SLC18B1: variants seen among roughly 807,000 people sequenced by gnomAD.
SLC18B1 encodes the protein MFS-type transporter SLC18B1.
Under a neutral mutation model 53.9 loss-of-function variants are expected in SLC18B1, and 62 were observed. The observed-to-expected ratio is 1.15, with a 90% confidence interval of 0.94 to 1.42. SLC18B1 has a LOEUF of 1.42. Among genes scored for constraint, SLC18B1 ranks in the 40% most tolerant of loss-of-function variants. The pLI, the probability that SLC18B1 is intolerant of heterozygous loss-of-function variation, is 0.00. For synonymous variants in SLC18B1, 217 were observed against 200.9 expected (o/e 1.08, Z -0.68); for missense variants, 598 against 547.3 (o/e 1.09, Z -0.93).
intron 4 of SLC18B1, among the ~76,000 whole-genome samples, chr6:132,788,500 T>C (rs1014733863): frequency 6.6e-6 from 1 of 152,090 alleles, no homozygotes; most frequent in Non-Finnish European, 1.5e-5. Flanking sequence ...GTCCCCCAGA[T>C]GATAGTACTA....
chr6:132,786,364 C>T (rs7744961), intron 5 of SLC18B1, among the ~76,000 whole-genome samples: 25,802 of 151,608 alleles, frequency 0.17, 4,801 homozygotes, highest in African/African-American at 0.47. Flanking sequence ...GCTAACATGG[C>T]GAAACCCCGT....
Position 132,776,324 on chromosome 6 carries a change from G to A in SLC18B1, c.897+4C>T, listed in dbSNP as rs774169058. ...TGACTCAAATATAAATTAAGTGTAC[G>A]TACTGGCCTTTTATCACTTAGGAGA... On this transcript the variant is annotated splice_donor_region_variant and intron_variant, in intron 8 of 13. Transcript: ENST00000275227. The A allele has an allele frequency of 1.1e-5, 18 of 1,605,186 alleles. No homozygotes were observed. The highest frequency in any genetic ancestry group is 4.5e-5 in the East Asian group (2 of 44,784).
intron 5 of SLC18B1, among the ~76,000 whole-genome samples, chr6:132,784,783 G>A (rs1348515728): frequency 6.6e-6 from 1 of 152,184 alleles, no homozygotes; most frequent in East Asian, 1.9e-4. Context: ...TGCTATAGCA[G>A]AGTTTTGCAA....
chr6:132,792,893 T>C (rs6928237), intron 2 of SLC18B1, among the ~76,000 whole-genome samples: 1 of 151,928 alleles, frequency 6.6e-6, no homozygotes, highest in Admixed American at 6.6e-5. Flanking sequence ...CCAAGGCGAG[T>C]GGATCACCTG....
chr6:132,792,356 G>GAA (rs1554223353), intron 2 of SLC18B1, among the ~76,000 whole-genome samples: 1,418 of 83,614 alleles, frequency 0.017, 164 homozygotes, highest in Middle Eastern at 0.04. Context: ...AGGAAGGAAG[G>GAA]GAAAGAAAGA....
intron 6 of SLC18B1, among the ~76,000 whole-genome samples, chr6:132,780,712 C>A (rs566721297): frequency 7.8e-4 from 118 of 151,876 alleles, no homozygotes; most frequent in African/African-American, 2.8e-3. Flanking sequence ...CAGGCACACG[C>A]AACCACACCC....
rs544113941 is a variant in SLC18B1 at position 132,787,989 on chromosome 6, G to A, written c.354-408C>T. Among the ~76,000 whole-genome samples the A allele has an allele frequency of 8.6e-5, 13 of 151,786 alleles. No individual in the cohort carries two copies. The East Asian group carries it at 1.2e-3, about 14-fold the overall frequency. On this transcript the variant is annotated intron_variant, in intron 4 of 13. Transcript: ENST00000275227. ...ATCCTGGCCAACACGGTGAAACCCC[G>A]TCTCTACTAAAAATACAAAAAATTA...
chr6:132,797,136 T>A lies in SLC18B1; in HGVS notation c.44-15A>T. The A allele has an allele frequency of 1.9e-6, 3 of 1,612,604 alleles. No homozygotes were observed. The highest frequency in any genetic ancestry group is 2.5e-6 in the Non-Finnish European group (3 of 1,179,576). Reference sequence around the variant, plus strand: ...AGGATCATCACCTTGAATGCAAACATGCAGCAATTAGGCATATAATTGAGA... The same window carrying A: ...AGGATCATCACCTTGAATGCAAACAAGCAGCAATTAGGCATATAATTGAGA... On this transcript the variant is annotated splice_polypyrimidine_tract_variant and intron_variant, in intron 1 of 13. Coordinates refer to ENST00000275227, the MANE Select transcript of SLC18B1 (RefSeq NM_052831.3).
intron 11 of SLC18B1, 118 bp from the exon 12 acceptor site, chr6:132,771,247 G>C (rs1342874198): frequency 2.3e-6 from 2 of 878,894 alleles, no homozygotes; most frequent in Non-Finnish European, 3.5e-6. Flanking sequence ...AAGTACTAAA[G>C]ATAAAGCTAA....
intron 6 of SLC18B1, among the ~76,000 whole-genome samples, chr6:132,780,220 C>A (rs1781198719): frequency 6.6e-6 from 1 of 152,024 alleles, no homozygotes; most frequent in Non-Finnish European, 1.5e-5. Flanking sequence ...CCTGTCTCAG[C>A]TTCCCAAGTA....
intron 4 of SLC18B1, among the ~76,000 whole-genome samples, chr6:132,788,090 G>T (rs566732351): frequency 1.3e-5 from 2 of 151,728 alleles, no homozygotes; most frequent in Non-Finnish European, 2.9e-5. Context: ...GAACCTGGGC[G>T]GCGCAGTTTG....
chr6:132,784,246 T>G (rs1781313399), intron 5 of SLC18B1, among the ~76,000 whole-genome samples, 157 bp from the exon 6 acceptor site: 1 of 152,096 alleles, frequency 6.6e-6, no homozygotes, highest in Non-Finnish European at 1.5e-5. Flanking sequence ...ATCATAAAAA[T>G]ATTAGAAAAA....
intron 5 of SLC18B1, among the ~76,000 whole-genome samples, chr6:132,784,983 T>C (rs1325348685): frequency 2.0e-5 from 3 of 151,228 alleles, no homozygotes; most frequent in East Asian, 1.9e-4. Flanking sequence ...ATGGTACATA[T>C]GGTATTGCTA....
intron 8 of SLC18B1, 113 bp downstream of exon 8, chr6:132,776,215 C>T: frequency 6.4e-6 from 5 of 786,954 alleles, no homozygotes; most frequent in Non-Finnish European, 1.0e-5. Context: ...TCCATCAGTC[C>T]AATTGAATAT....
Position 132,787,570 on chromosome 6 carries a change from C to A in SLC18B1, c.365G>T (p.Arg122Leu). The part of the protein sequence containing the change: ...GVTILFGVLD[R>L]VPDGPVFIAM... ...AATAAATACTGGCCCATCTGGAACT[C>A]GGTCCAATACACTAAAAAGGAATAA... Residue 122 changes from arginine (R) to leucine (L), a missense_variant, in exon 5 of 14, where the codon CGA becomes CTA. By Grantham distance (102) the Arg-to-Leu change is moderately radical. Transcript: ENST00000275227. The A allele has an allele frequency of 1.3e-6, 2 of 1,576,134 alleles. No individual in the cohort carries two copies. Among genetic ancestry groups the A allele is most frequent in the South Asian group, 1.2e-5 (1 of 84,224 alleles).
intron 5 of SLC18B1, among the ~76,000 whole-genome samples, chr6:132,786,474 G>A (rs901643884): frequency 2.0e-5 from 3 of 151,114 alleles, no homozygotes; most frequent in Admixed American, 1.3e-4. Flanking sequence ...GCGTGAACCC[G>A]GGAGGCGGAG....
At chr6:132,781,002 G>T (rs1407360404) in intron 6 of SLC18B1, among the ~76,000 whole-genome samples, 1 of 152,148 alleles carries the variant, frequency 6.6e-6, no homozygotes, top group Non-Finnish European at 1.5e-5. Context: ...GTGAGGTATT[G>T]CCAGCAGGGA....
intron 7 of SLC18B1, among the ~76,000 whole-genome samples, chr6:132,778,832 T>C (rs1368311581): frequency 6.6e-6 from 1 of 152,204 alleles, no homozygotes; most frequent in Non-Finnish European, 1.5e-5. Flanking sequence ...ATACAGTCCA[T>C]AGTCATTTGA....
Position 132,785,169 on chromosome 6 carries a change from A to T in SLC18B1, c.502-1080T>A, listed in dbSNP as rs147047149. ...TGTGTGTCAGTGTGTACATATATATATGTGGAATTTCTCTGCAAGAAACCT... is the reference window on the plus strand; with the variant it reads ...TGTGTGTCAGTGTGTACATATATATTTGTGGAATTTCTCTGCAAGAAACCT... On this transcript the variant is annotated intron_variant, in intron 5 of 13. Coordinates refer to ENST00000275227, the MANE Select transcript of SLC18B1 (RefSeq NM_052831.3). 1.7e-3 allele frequency among the ~76,000 whole-genome samples: 252 copies of T among 151,466 alleles called. 3 individuals are homozygous for T. The highest frequency in any genetic ancestry group is 1.6e-3 in the East Asian group (8 of 5,138).
Sources: gnomAD v4.1 joint callset for allele counts (sites outside exome capture counted in the v4.1 genomes callset) on GRCh38, gnomAD v4.1.1 for gene constraint, MANE v1.5 for transcripts, NCBI Gene and HGNC (gene_info 2026-07-23, HGNC 2026-07-21) for gene names.